The following ZMAT5 variants were observed in gnomAD, a reference collection of about 807,000 sequenced individuals.
ZMAT5 encodes zinc finger matrin-type 5.
A neutral mutation model predicts 28.0 loss-of-function variants in ZMAT5; 23 were observed. The ratio of observed to expected loss-of-function variants is 0.82; its 90% CI spans 0.59 to 1.16. The LOEUF (loss-of-function observed/expected upper bound fraction) is 1.16, where lower values mean the gene tolerates loss of function less well. ZMAT5 is among the 50% of genes most tolerant of loss of function. The probability of loss-of-function intolerance (pLI) is 0.00; values close to 1 mark genes in which losing one functional copy is unlikely to be tolerated. For synonymous variants in ZMAT5, 76 were observed against 84.1 expected (o/e 0.90, Z 0.52); for missense variants, 173 against 212.7 (o/e 0.81, Z 1.16).
chr22:29,751,512 T>C (rs897367571), intron 1 of ZMAT5, among the ~76,000 whole-genome samples: 1 of 152,222 alleles, frequency 6.6e-6, no homozygotes, highest in Non-Finnish European at 1.5e-5. Flanking sequence ...AAGCTCTATA[T>C]GCATCATCTC....
At chr22:29,764,376 AT>A (rs1177736203) in intron 1 of ZMAT5, among the ~76,000 whole-genome samples, 1 of 152,218 alleles carries the variant, frequency 6.6e-6, no homozygotes, top group Non-Finnish European at 1.5e-5. Context: ...GATGTAAAGC[AT>A]TTCACATTTT....
At position 29,756,860 on chromosome 22, in the gene ZMAT5, G is replaced by A. The variant is rs573536847; in HGVS notation, c.-27-8289C>T. 4.6e-5 allele frequency among the ~76,000 whole-genome samples: 7 copies of A among 152,156 alleles called. 1 individual carries two copies. In the South Asian group the frequency reaches 1.5e-3, roughly 32 times the overall value. On this transcript the variant is annotated intron_variant, in intron 1 of 5. Coordinates refer to ENST00000344318, the MANE Select transcript of ZMAT5 (RefSeq NM_001003692.2). ...GTCAAGAGTTCGAGGCTATCATGGT[G>A]AAACCCCATCTCTACTAAAAATACA...
intron 1 of ZMAT5, among the ~76,000 whole-genome samples, chr22:29,757,454 T>A (rs963708088): frequency 6.6e-6 from 1 of 152,210 alleles, no homozygotes; most frequent in Non-Finnish European, 1.5e-5. Context: ...ACCTCTGAGC[T>A]TCATCTGGAA....
intron 1 of ZMAT5, among the ~76,000 whole-genome samples, chr22:29,759,473 TA>T (rs2068134728): frequency 1.3e-5 from 2 of 152,050 alleles, no homozygotes; most frequent in Admixed American, 1.3e-4. Context: ...AGAAACTTAT[TA>T]AAAATGAATC....
intron 4 of ZMAT5, 78 bp from the exon 5 acceptor site, chr22:29,738,519 G>GC: frequency 7.6e-7 from 1 of 1,316,652 alleles, no homozygotes; most frequent in Non-Finnish European, 1.1e-6. Context: ...CAAAGCAGAA[G>GC]CAACTGGTAG....
chr22:29,753,682 C>G (rs2068074549), intron 1 of ZMAT5, among the ~76,000 whole-genome samples: 1 of 151,992 alleles, frequency 6.6e-6, no homozygotes, highest in Admixed American at 6.6e-5. Context: ...GAGCAAGACT[C>G]CCTCTCAAAA....
In ZMAT5 at chr22:29,738,439, C is replaced by T; in HGVS notation, c.274G>A (p.Glu92Lys). The stretch of plus-strand genomic sequence containing the variant: ...AGTAGCCACTCCCTGGCTCGCCTCT[C>T]CTCTGTGGGGACAGGGAGACAAAGG... ...LQELSIQVEEERRAREWLLDA... is the reference protein window; with the variant it reads ...LQELSIQVEEKRRAREWLLDA... The change falls in exon 5 of 6, where the codon GAG (glutamate) becomes AAG (lysine). Residue 92 changes from glutamate to lysine, a missense_variant and splice_region_variant. Glu to Lys is a moderately conservative substitution (Grantham distance 56). Coordinates refer to ENST00000344318, the MANE Select transcript of ZMAT5 (RefSeq NM_001003692.2). The T allele has an allele frequency of 5.6e-6, 9 of 1,609,950 alleles. No homozygotes were observed. The highest frequency in any genetic ancestry group is 6.8e-6 in the Non-Finnish European group (8 of 1,179,812).
At chr22:29,734,964 C>T (rs544042203) in intron 5 of ZMAT5, among the ~76,000 whole-genome samples, 1 of 152,090 alleles carries the variant, frequency 6.6e-6, no homozygotes, top group Non-Finnish European at 1.5e-5. Context: ...GGTGGGAGAC[C>T]AGGGAGGGGC....
chr22:29,765,338 G>A (rs1324251516), intron 1 of ZMAT5, among the ~76,000 whole-genome samples: 1 of 151,952 alleles, frequency 6.6e-6, no homozygotes, highest in Non-Finnish European at 1.5e-5. Context: ...AGAATTGCTT[G>A]AACATGGGTG....
intron 2 of ZMAT5, chr22:29,747,625 C>A (rs902468893): frequency 6.5e-6 from 1 of 152,852 alleles, no homozygotes; most frequent in Admixed American, 6.5e-5. Flanking sequence ...CCCTCTGGAA[C>A]CTCCCTGGCT....
intron 1 of ZMAT5, among the ~76,000 whole-genome samples, chr22:29,749,310 G>C (rs1313312360): frequency 6.6e-6 from 1 of 151,670 alleles, no homozygotes; most frequent in Non-Finnish European, 1.5e-5. Context: ...CTGGGCTCAA[G>C]TGTCCTCCCG....
At chr22:29,765,096 T>C (rs2068194015) in intron 1 of ZMAT5, among the ~76,000 whole-genome samples, 1 of 152,190 alleles carries the variant, frequency 6.6e-6, no homozygotes, top group Non-Finnish European at 1.5e-5. Context: ...CTTAAGATCA[T>C]TCTGTTGATT....
chr22:29,734,020 G>T (rs912030130), intron 5 of ZMAT5, among the ~76,000 whole-genome samples: 3 of 152,196 alleles, frequency 2.0e-5, no homozygotes, highest in African/African-American at 4.8e-5. Flanking sequence ...TTTCCCAGCC[G>T]CGGTCCTAAT....
Position 29,738,433 on chromosome 22 carries a change from G to A in ZMAT5, c.280C>T (p.Arg94Ter), listed in dbSNP as rs769893643. Reference sequence around the variant, plus strand: ...GCATCTAGTAGCCACTCCCTGGCTCGCCTCTCCTCTGTGGGGACAGGGAGA... The same window carrying A: ...GCATCTAGTAGCCACTCCCTGGCTCACCTCTCCTCTGTGGGGACAGGGAGA... The part of the protein sequence containing the change: ...ELSIQVEEER[R>*]AREWLLDAPE... The change falls in exon 5 of 6, where the codon CGA becomes TGA. Residue 94 changes from arginine to a stop codon, truncating the protein, a stop_gained. Coordinates refer to ENST00000344318, the MANE Select transcript of ZMAT5 (RefSeq NM_001003692.2). LOFTEE classifies it high-confidence loss of function. 20 of 1,609,770 alleles carry A rather than the reference G, an allele frequency of 1.2e-5. No homozygotes were observed. The Admixed American group carries it at 1.3e-4, about 11-fold the overall frequency.
rs767799488 is a variant in ZMAT5, at chr22:29,738,403, C to CA, written c.309dup (p.Glu104Ter). The CA allele has an allele frequency of 6.2e-7, 1 of 1,610,880 alleles. No homozygotes were observed. The highest frequency in any genetic ancestry group is 8.5e-7 in the Non-Finnish European group (1 of 1,179,856). On this transcript the variant is annotated frameshift_variant, in exon 5 of 6. Transcript: ENST00000344318. LOFTEE classifies it high-confidence loss of function. ...TCCTCCAGATGGCCCTCGGGGAGCTCAGGAGCATCTAGTAGCCACTCCCTG... is the reference window on the plus strand; with the variant it reads ...TCCTCCAGATGGCCCTCGGGGAGCTCAAGGAGCATCTAGTAGCCACTCCCTG...
At chr22:29,752,974 CCT>C (rs2068067949) in intron 1 of ZMAT5, among the ~76,000 whole-genome samples, 1 of 152,164 alleles carries the variant, frequency 6.6e-6, no homozygotes, top group South Asian at 2.1e-4. Flanking sequence ...CCTCCCTGAC[CCT>C]CTCACCCTAA....
Position 29,731,074 on chromosome 22 carries a change from G to A in ZMAT5, c.*151C>T. 1.3e-6 allele frequency: 1 copy of A among 776,244 alleles called. No homozygotes were observed. The highest frequency in any genetic ancestry group is 1.9e-6 in the Non-Finnish European group (1 of 527,280). 48.1% of individuals were successfully genotyped at this position (776,244 alleles called of 1,614,324 possible). A position where few individuals can be genotyped will look rare whatever the true frequency, so the allele number is the denominator to read the frequency against. ...CTGCCCGGTGCAGACCCAGGACGAGGGCTGCACTTGGTGTGGCCGTGTCCT... is the reference window on the plus strand; with the variant it reads ...CTGCCCGGTGCAGACCCAGGACGAGAGCTGCACTTGGTGTGGCCGTGTCCT... On this transcript the variant is annotated 3_prime_UTR_variant, in exon 6 of 6. Coordinates refer to ENST00000344318, the MANE Select transcript of ZMAT5 (RefSeq NM_001003692.2).
intron 2 of ZMAT5, among the ~76,000 whole-genome samples, chr22:29,743,262 C>T (rs1161101645): frequency 6.6e-6 from 1 of 152,156 alleles, no homozygotes; most frequent in African/African-American, 2.4e-5. Context: ...GGCACTGCTC[C>T]ACAGGCAAGA....
intron 5 of ZMAT5, among the ~76,000 whole-genome samples, chr22:29,736,627 T>C (rs932003484): frequency 1.5e-5 from 2 of 134,998 alleles, no homozygotes. Context: ...GGCTGCAGCA[T>C]GAGAAATGTT....
Sources: gnomAD v4.1 joint callset for allele counts (sites outside exome capture counted in the v4.1 genomes callset) on GRCh38, gnomAD v4.1.1 for gene constraint, MANE v1.5 for transcripts, NCBI Gene and HGNC (gene_info 2026-07-23, HGNC 2026-07-21) for gene names.